DIAPH3: variants seen among roughly 807,000 people sequenced by gnomAD.
DIAPH3 encodes diaphanous related formin 3, also known as protein diaphanous homolog 3.
In DIAPH3, 117 loss-of-function variants were observed where a neutral mutation model predicts 144.3. The observed-to-expected ratio is 0.81, with a 90% CI of 0.70 to 0.95. The LOEUF is 0.95. Among genes scored for constraint, DIAPH3 ranks in the 40% least tolerant of loss-of-function variants. The probability of loss-of-function intolerance (pLI) is 0.00; values close to 1 mark genes in which losing one functional copy is unlikely to be tolerated. For missense variants in DIAPH3, 1,421 were observed against 1,412.7 expected (o/e 1.01, Z -0.09); for synonymous variants, 519 against 488.9 (o/e 1.06, Z -0.81).
chr13:59,951,496 T>C (rs919889202), intron 17 of DIAPH3, among the ~76,000 whole-genome samples: 3 of 152,156 alleles, frequency 2.0e-5, no homozygotes, highest in Non-Finnish European at 1.5e-5. Flanking sequence ...CTGTATTACC[T>C]ATAACACATA....
At chr13:59,924,955 A>T in intron 17 of DIAPH3, 85 bp from the exon 18 acceptor site, 1 of 1,506,142 alleles carries the variant, frequency 6.6e-7, no homozygotes, top group Non-Finnish European at 8.9e-7. Flanking sequence ...ATCATTAAAT[A>T]AGCTAAAAAG....
chr13:59,727,787 G>T (rs2035680101), intron 27 of DIAPH3, among the ~76,000 whole-genome samples: 1 of 152,028 alleles, frequency 6.6e-6, no homozygotes, highest in Non-Finnish European at 1.5e-5. Flanking sequence ...TATTAAAAAG[G>T]CCTGGCTGCG....
At chr13:59,784,624 G>A (rs1341276618) in intron 25 of DIAPH3, among the ~76,000 whole-genome samples, 4 of 151,994 alleles carry the variant, frequency 2.6e-5, no homozygotes, top group Non-Finnish European at 4.4e-5. Flanking sequence ...CAATCTGCCT[G>A]CTTCGGCCTC....
chr13:59,810,685 G>A, intron 25 of DIAPH3, 103 bp downstream of exon 25: 1 of 1,223,500 alleles, frequency 8.2e-7, no homozygotes, highest in Admixed American at 2.3e-5. Flanking sequence ...AGAAACAAGT[G>A]GTTGTATTTT....
intron 27 of DIAPH3, among the ~76,000 whole-genome samples, chr13:59,720,048 G>C (rs904231648): frequency 6.6e-6 from 1 of 152,138 alleles, no homozygotes; most frequent in Non-Finnish European, 1.5e-5. Flanking sequence ...ATGCGTCACT[G>C]TGATTTTGCT....
intron 27 of DIAPH3, among the ~76,000 whole-genome samples, chr13:59,717,759 ATCT>A (rs1178313683): frequency 2.0e-5 from 3 of 152,202 alleles, no homozygotes; most frequent in Admixed American, 1.3e-4. Context: ...AGGAGGATAA[ATCT>A]TCTGAAATGC....
chr13:59,885,448 T>TAAAAAA (rs67977635), intron 20 of DIAPH3, among the ~76,000 whole-genome samples: 3 of 93,068 alleles, frequency 3.2e-5, no homozygotes, highest in African/African-American at 4.3e-5. Context: ...CTTCTTTCAC[T>TAAAAAA]AAAAAAAAAA....
intron 20 of DIAPH3, among the ~76,000 whole-genome samples, chr13:59,895,138 C>T (rs1427000254): frequency 6.6e-6 from 1 of 151,854 alleles, no homozygotes; most frequent in East Asian, 1.9e-4. Context: ...ACAGTATAAA[C>T]ACAAAAAAAG....
chr13:59,739,353 A>T (rs1263640672), intron 27 of DIAPH3, among the ~76,000 whole-genome samples: 1 of 152,176 alleles, frequency 6.6e-6, no homozygotes. Context: ...AGAGTCAGAA[A>T]TTTTTTACTC....
intron 1 of DIAPH3, among the ~76,000 whole-genome samples, chr13:60,154,880 T>G (rs73203982): frequency 0.037 from 5,680 of 152,334 alleles, 170 homozygotes; most frequent in East Asian, 0.1. Flanking sequence ...GTTTAGAGGA[T>G]ACTATGTGCT....
At chr13:59,725,104 T>A (rs1321999677) in intron 27 of DIAPH3, among the ~76,000 whole-genome samples, 1 of 152,328 alleles carries the variant, frequency 6.6e-6, no homozygotes, top group African/African-American at 2.4e-5. Flanking sequence ...TACAATAATT[T>A]GCAGCATAGC....
chr13:59,927,297 G>C (rs1343030579), intron 17 of DIAPH3, among the ~76,000 whole-genome samples: 4 of 152,094 alleles, frequency 2.6e-5, no homozygotes, highest in African/African-American at 9.7e-5. Flanking sequence ...CTTTCAATTA[G>C]AGAATTTACA....
chr13:59,692,807 G>A (rs1483960365), intron 27 of DIAPH3, among the ~76,000 whole-genome samples: 1 of 152,046 alleles, frequency 6.6e-6, no homozygotes, highest in Non-Finnish European at 1.5e-5. Context: ...GCTGTGTATT[G>A]CTCCCTGGGA....
At chr13:59,927,408 CTGTT>C (rs1168242126) in intron 17 of DIAPH3, among the ~76,000 whole-genome samples, 4 of 152,124 alleles carry the variant, frequency 2.6e-5, no homozygotes, top group African/African-American at 9.7e-5. Flanking sequence ...CTCTTCCTCT[CTGTT>C]TATCTTTGTA....
At chr13:60,101,287 T>C (rs1284365380) in intron 3 of DIAPH3, among the ~76,000 whole-genome samples, 1 of 152,140 alleles carries the variant, frequency 6.6e-6, no homozygotes. Context: ...CTTATTTCCA[T>C]ATTATTTATC....
chr13:59,768,906 A>T (rs1015603410), intron 27 of DIAPH3, among the ~76,000 whole-genome samples: 1 of 152,164 alleles, frequency 6.6e-6, no homozygotes, highest in Non-Finnish European at 1.5e-5. Flanking sequence ...AATGCATAAT[A>T]CTTGTTTGCC....
chr13:59,998,496 CTT>C (rs897489607), intron 9 of DIAPH3, among the ~76,000 whole-genome samples: 1 of 152,050 alleles, frequency 6.6e-6, no homozygotes, highest in Non-Finnish European at 1.5e-5. Context: ...AATTATGAAA[CTT>C]TTTAGTTACC....
chr13:59,853,910 C>A (rs17722872), intron 22 of DIAPH3, among the ~76,000 whole-genome samples: 1 of 152,074 alleles, frequency 6.6e-6, no homozygotes, highest in African/African-American at 2.4e-5. Flanking sequence ...TATCTCCATG[C>A]AGTTATAGGA....
chr13:59,677,794 G>A (rs1593558179), intron 27 of DIAPH3, among the ~76,000 whole-genome samples: 1 of 152,198 alleles, frequency 6.6e-6, no homozygotes, highest in East Asian at 1.9e-4. Flanking sequence ...TTCATATAAA[G>A]AGGAAGGAGC....
Sources: gnomAD v4.1 joint callset for allele counts (sites outside exome capture counted in the v4.1 genomes callset) on GRCh38, gnomAD v4.1.1 for gene constraint, MANE v1.5 for transcripts, NCBI Gene and HGNC (gene_info 2026-07-23, HGNC 2026-07-21) for gene names.